The following EPB41L4A variants were observed in gnomAD, a reference collection of about 807,000 sequenced individuals.
The protein encoded by EPB41L4A is erythrocyte membrane protein band 4.1 like 4A, also known as band 4.1-like protein 4A.
In EPB41L4A, 100 loss-of-function variants were observed where a neutral mutation model predicts 108.6. That is an observed-to-expected ratio of 0.92 (90% CI 0.78 to 1.09). The LOEUF (loss-of-function observed/expected upper bound fraction) is 1.09. Ranked by LOEUF, EPB41L4A falls within the 50% of genes least tolerant of loss-of-function variation. The pLI is 0.00. For missense variants in EPB41L4A, 1,030 were observed against 842.7 expected, an observed-to-expected ratio of 1.22 and a Z score of -2.75; for synonymous variants, 319 against 289.0, an observed-to-expected ratio of 1.10 and a Z score of -1.05.
At chr5:112,349,468 C>T (rs1757897799) in intron 1 of EPB41L4A, among the ~76,000 whole-genome samples, 1 of 152,044 alleles carries the variant, frequency 6.6e-6, no homozygotes, top group Non-Finnish European at 1.5e-5. Context: ...GTGGGAAGAC[C>T]AGGATACCAG....
intron 2 of EPB41L4A, among the ~76,000 whole-genome samples, chr5:112,300,267 G>T (rs536937614): frequency 2.0e-5 from 3 of 152,130 alleles, no homozygotes; most frequent in Non-Finnish European, 4.4e-5. Flanking sequence ...CTTTAAGGAA[G>T]TTCTGTTACT....
At chr5:112,343,210 A>G (rs1757431168) in intron 1 of EPB41L4A, among the ~76,000 whole-genome samples, 1 of 152,158 alleles carries the variant, frequency 6.6e-6, no homozygotes. Context: ...CACTTGGTCA[A>G]ATTTAGGTTC....
At position 112,163,231 on chromosome 5, in the gene EPB41L4A, G is replaced by A. The variant is rs777358269; in HGVS notation, c.*1759C>T. 8 of 152,204 alleles carry A rather than the reference G, an allele frequency of 5.3e-5. No individual in the cohort carries two copies. The highest frequency in any genetic ancestry group is 1.2e-4 in the Non-Finnish European group (8 of 68,032). The allele number at this position is 152,204 out of a possible 1,614,324, so 9.4% of individuals were successfully genotyped here. A position where few individuals can be genotyped will look rare whatever the true frequency, so the allele number is the denominator to read the frequency against. On this transcript the variant is annotated 3_prime_UTR_variant, in exon 23 of 23. Transcript: ENST00000261486. The stretch of plus-strand genomic sequence containing the variant: ...GAGCCAACTAGACGTGGTAATAGTG[G>A]AGGTGTCCATAACTGCTAGGTGTCC...
chr5:112,164,936 A>G lies in EPB41L4A; in HGVS notation c.*54T>C, dbSNP rs1244869444. 2.0e-6 allele frequency: 3 copies of G among 1,495,914 alleles called. No individual in the cohort carries two copies. Among genetic ancestry groups the G allele is most frequent in the East Asian group, 2.4e-5 (1 of 40,844 alleles). 92.7% of individuals were successfully genotyped at this position (1,495,914 alleles called of 1,614,324 possible). On this transcript the variant is annotated 3_prime_UTR_variant, in exon 23 of 23. Coordinates refer to ENST00000261486, the MANE Select transcript of EPB41L4A (RefSeq NM_022140.5). ...AAGATACCTATTTCACAGTTTCAAA[A>G]GTACCAGTGGCGCACACAACCTTCC... is the stretch of plus-strand genomic sequence containing the variant.
At chr5:112,204,289 G>T in intron 15 of EPB41L4A, 86 bp downstream of exon 15, 1 of 806,126 alleles carries the variant, frequency 1.2e-6, no homozygotes. Flanking sequence ...AGTAATGTCG[G>T]TATAAGAATC....
At chr5:112,317,003 C>A (rs1214997806) in intron 1 of EPB41L4A, among the ~76,000 whole-genome samples, 1 of 152,194 alleles carries the variant, frequency 6.6e-6, no homozygotes, top group Non-Finnish European at 1.5e-5. Context: ...AGATCTGGCA[C>A]AGCATCAGTC....
intron 12 of EPB41L4A, among the ~76,000 whole-genome samples, chr5:112,212,869 C>T (rs190185084): frequency 6.6e-6 from 1 of 152,294 alleles, no homozygotes; most frequent in East Asian, 1.9e-4. Flanking sequence ...CCCTCATTCT[C>T]TTTAGACTGA....
At chr5:112,235,185 T>C (rs561239159) in intron 11 of EPB41L4A, among the ~76,000 whole-genome samples, 1 of 152,322 alleles carries the variant, frequency 6.6e-6, no homozygotes, top group South Asian at 2.1e-4. Flanking sequence ...GGTATGATTT[T>C]ATTCTGGACT....
At chr5:112,231,594 G>A (rs1748934244) in intron 12 of EPB41L4A, among the ~76,000 whole-genome samples, 1 of 150,446 alleles carries the variant, frequency 6.6e-6, no homozygotes, top group Non-Finnish European at 1.5e-5. Flanking sequence ...GACCATCCTG[G>A]CTAACAAGGT....
chr5:112,174,691 A>G (rs1760771443), intron 18 of EPB41L4A, among the ~76,000 whole-genome samples: 2 of 152,198 alleles, frequency 1.3e-5, no homozygotes, highest in Admixed American at 6.5e-5. Context: ...CTAAAAACAT[A>G]ATATGGGCAA....
chr5:112,366,817 T>C (rs1014281163), intron 1 of EPB41L4A, among the ~76,000 whole-genome samples: 5 of 152,124 alleles, frequency 3.3e-5, no homozygotes, highest in Admixed American at 1.3e-4. Context: ...CCTTCAGCTA[T>C]TTGCATTTTT....
At position 112,194,570 on chromosome 5, in the gene EPB41L4A, G is replaced by A; in HGVS notation, c.1500C>T (p.Asn500=). Residue 500 remains asparagine, a splice_region_variant and synonymous_variant, in exon 17 of 23, where the codon AAC becomes AAT. Transcript: ENST00000261486. Reference sequence around the variant, plus strand: ...TAATTATAATATTGAGATATTACCTGTTTCTCTTTTTCCGGTATTCTCTAT... The same window carrying A: ...TAATTATAATATTGAGATATTACCTATTTCTCTTTTTCCGGTATTCTCTAT... The part of the protein sequence containing the change: ...NSNREYRKKR[N]RIRQENDMVD... 1 of 1,565,654 alleles carries A rather than the reference G, an allele frequency of 6.4e-7. No individual in the cohort carries two copies. The highest frequency in any genetic ancestry group is 1.1e-5 in the South Asian group (1 of 87,448).
intron 12 of EPB41L4A, among the ~76,000 whole-genome samples, chr5:112,213,231 ACT>A (rs1157382157): frequency 6.6e-6 from 1 of 152,148 alleles, no homozygotes. Context: ...CAGTGCTATA[ACT>A]CTCATATACC....
intron 15 of EPB41L4A, 136 bp from the exon 16 acceptor site, chr5:112,195,844 T>C: frequency 2.8e-6 from 2 of 719,054 alleles, no homozygotes; most frequent in Non-Finnish European, 4.7e-6. Flanking sequence ...TTACGTCATA[T>C]GTATATGCCT....
rs943436577 is a variant in EPB41L4A at position 112,164,866 on chromosome 5, A to G, written c.*124T>C. The G allele has an allele frequency of 3.9e-6, 4 of 1,022,726 alleles. No homozygotes were observed. Among genetic ancestry groups the G allele is most frequent in the South Asian group, 2.2e-5 (1 of 45,258 alleles). 63.4% of individuals were successfully genotyped at this position (1,022,726 alleles called of 1,614,324 possible). A position where few individuals can be genotyped will look rare whatever the true frequency, so the allele number is the denominator to read the frequency against. On this transcript the variant is annotated 3_prime_UTR_variant, in exon 23 of 23. Transcript: ENST00000261486. ...AAAAAAAAGAAGCAAAAGATAATGT[A>G]TTTTCTCATGCTGAAGAAATACTTG...
chr5:112,396,685 C>G (rs1228184324), intron 1 of EPB41L4A, among the ~76,000 whole-genome samples: 1 of 152,168 alleles, frequency 6.6e-6, no homozygotes, highest in Non-Finnish European at 1.5e-5. Flanking sequence ...ACAGGCCTCA[C>G]CACAGGTCAG....
rs777175759 is a variant in EPB41L4A, at chr5:112,259,250, T to A, written c.774A>T (p.Glu258Asp). The A allele has an allele frequency of 6.2e-7, 1 of 1,613,886 alleles. No individual in the cohort carries two copies. Among genetic ancestry groups the A allele is most frequent in the Non-Finnish European group, 8.5e-7 (1 of 1,179,774 alleles). ...TKVHFKETQF[E>D]LRVLGKDCNE... ...TTACATCTTTTCCCAGTACTCTGAG[T>A]TCAAATTGAGTCTCCTTGAAGTGAA... The change falls in exon 9 of 23, where the codon GAA becomes GAT. Residue 258 changes from glutamate to aspartate, a missense_variant. Transcript: ENST00000261486.
chr5:112,142,255 T>A (rs998719637), downstream of EPB41L4A, among the ~76,000 whole-genome samples: 7 of 152,218 alleles, frequency 4.6e-5, no homozygotes, highest in African/African-American at 1.7e-4. Flanking sequence ...CAGCTCTCTT[T>A]CTTCTGTCTG....
chr5:112,309,830 C>T (rs763639967), intron 1 of EPB41L4A, among the ~76,000 whole-genome samples: 2 of 152,154 alleles, frequency 1.3e-5, no homozygotes, highest in African/African-American at 2.4e-5. Flanking sequence ...TCCACCCTTC[C>T]CTCTCACTTG....
Sources: allele counts gnomAD v4.1 joint callset (sites outside exome capture counted in the v4.1 genomes callset), GRCh38; gene constraint gnomAD v4.1.1; transcripts MANE v1.5; gene names NCBI Gene and HGNC (gene_info 2026-07-23, HGNC 2026-07-21).